The following SVOP variants were observed in gnomAD, a reference collection of about 807,000 sequenced individuals.
SVOP encodes synaptic vesicle 2-related protein.
In SVOP, 17 loss-of-function variants were observed where a neutral mutation model predicts 69.1. The ratio of observed to expected loss-of-function variants is 0.25; its 90% CI spans 0.17 to 0.37. The LOEUF (loss-of-function observed/expected upper bound fraction) is 0.37. Among genes scored for constraint, SVOP ranks in the 10% least tolerant of loss-of-function variants. SVOP has a pLI of 1.00. For synonymous variants in SVOP, 238 were observed against 238.6 expected (o/e 1.00, Z 0.02); for missense variants, 435 against 597.5 (o/e 0.73, Z 2.84).
chr12:108,937,891 G>A (rs758637551), intron 9 of SVOP, among the ~76,000 whole-genome samples: 15 of 152,158 alleles, frequency 9.9e-5, no homozygotes, highest in Admixed American at 7.9e-4. Flanking sequence ...GTGGTGGTTC[G>A]TGCCTGTAAT....
At chr12:108,950,881 G>A (rs2039950380) in intron 6 of SVOP, among the ~76,000 whole-genome samples, 1 of 152,166 alleles carries the variant, frequency 6.6e-6, no homozygotes, top group Non-Finnish European at 1.5e-5. Flanking sequence ...ATGAAAGCAA[G>A]CTACTTGATC....
intron 4 of SVOP, 137 bp from the exon 5 acceptor site, chr12:108,972,613 C>A (rs2040085900): frequency 1.1e-6 from 1 of 883,734 alleles, no homozygotes; most frequent in Non-Finnish European, 1.8e-6. Context: ...TGCCAAGGGG[C>A]AAACACTAAG....
intron 1 of SVOP, among the ~76,000 whole-genome samples, chr12:109,014,395 G>T (rs1002367687): frequency 6.6e-6 from 1 of 152,126 alleles, no homozygotes; most frequent in Non-Finnish European, 1.5e-5. Flanking sequence ...ATTGCTAAGA[G>T]AAGAGATTTT....
At position 108,944,098 on chromosome 12, in the gene SVOP, C is replaced by T. The variant is rs950629291; in HGVS notation, c.642+1005G>A. On this transcript the variant is annotated intron_variant, in intron 7 of 15. Transcript: ENST00000610966. ...GTTTCACCGTGTTGGCCAGGCTGGT[C>T]GAGAACCCCTGACCTCAGGTGATCC... Among the ~76,000 whole-genome samples, 4 of 152,026 alleles carry T rather than the reference C, an allele frequency of 2.6e-5. 1 individual carries two copies. The highest frequency in any genetic ancestry group is 1.5e-5 in the Non-Finnish European group (1 of 67,976).
At chr12:108,984,072 A>AT (rs1398978252) in intron 1 of SVOP, among the ~76,000 whole-genome samples, 2 of 152,130 alleles carry the variant, frequency 1.3e-5, no homozygotes, top group East Asian at 3.9e-4. Context: ...TTGTGAGTAC[A>AT]TTTGTTTCAG....
intron 11 of SVOP, among the ~76,000 whole-genome samples, chr12:108,930,435 CTTTTTT>C (rs35584030): frequency 1.7e-5 from 2 of 117,610 alleles, no homozygotes; most frequent in Non-Finnish European, 3.5e-5. Flanking sequence ...CAGTTGATTG[CTTTTTT>C]TTTTTTTTTT....
chr12:108,995,896 T>C (rs4597140), intron 1 of SVOP, among the ~76,000 whole-genome samples: 57,021 of 148,178 alleles, frequency 0.38, 11,946 homozygotes, highest in African/African-American at 0.58. Flanking sequence ...AGGTAGACTC[T>C]GTCTCAAAAA....
At chr12:108,912,967 C>T (rs147895606) in intron 15 of SVOP, among the ~76,000 whole-genome samples, 2,021 of 152,224 alleles carry the variant, frequency 0.013, 18 homozygotes, top group Non-Finnish European at 0.018. Flanking sequence ...TCACCAGAAG[C>T]CAAGCAGATG....
intron 7 of SVOP, among the ~76,000 whole-genome samples, chr12:108,944,136 C>G: frequency 6.6e-6 from 1 of 151,970 alleles, no homozygotes; most frequent in East Asian, 1.9e-4. Context: ...ACGCCCCGGC[C>G]TCCCAAAGTA....
Position 108,952,230 on chromosome 12 carries a change from C to CTTTTTTTT in SVOP, c.579-7072_579-7065dup, listed in dbSNP as rs36191772. Among the ~76,000 whole-genome samples, 147 of 98,358 alleles carry CTTTTTTTT rather than the reference C, an allele frequency of 1.5e-3. 1 individual carries two copies. Among genetic ancestry groups the CTTTTTTTT allele is most frequent in the Non-Finnish European group, 2.4e-3 (122 of 50,280 alleles). The allele number at this position is 98,358 out of a possible 152,430, so 64.5% of individuals were successfully genotyped here. A position where few individuals can be genotyped will look rare whatever the true frequency, so the allele number is the denominator to read the frequency against. On this transcript the variant is annotated intron_variant, in intron 6 of 15. Transcript: ENST00000610966. ...TACATTCCACTTTTTTTTCTTTTCT[C>CTTTTTTTT]TTTTTTTTTTTTTTTTTTTTTTGAG...
intron 1 of SVOP, among the ~76,000 whole-genome samples, chr12:109,015,554 G>T (rs1365942518): frequency 1.3e-5 from 2 of 152,140 alleles, no homozygotes; most frequent in Non-Finnish European, 2.9e-5. Flanking sequence ...GCTCATGCCT[G>T]TAATCCCAGC....
intron 2 of SVOP, 151 bp from the exon 3 acceptor site, chr12:108,978,814 A>G: frequency 7.1e-6 from 4 of 563,682 alleles, no homozygotes; most frequent in Non-Finnish European, 1.3e-5. Context: ...TCCAGTGTGA[A>G]GTGATATCCT....
chr12:108,988,576 C>G (rs1369506221), intron 1 of SVOP, among the ~76,000 whole-genome samples: 1 of 152,074 alleles, frequency 6.6e-6, no homozygotes, highest in African/African-American at 2.4e-5. Context: ...TGATTCTATT[C>G]CATTGATCTG....
At chr12:108,997,348 T>A (rs2040240856) in intron 1 of SVOP, among the ~76,000 whole-genome samples, 1 of 151,918 alleles carries the variant, frequency 6.6e-6, no homozygotes, top group South Asian at 2.1e-4. Context: ...CACAGCAGTC[T>A]GAGATCAAAC....
chr12:109,009,238 A>C (rs1229255127), intron 1 of SVOP, among the ~76,000 whole-genome samples: 1 of 151,984 alleles, frequency 6.6e-6, no homozygotes. Context: ...CTGGGATTAC[A>C]GGCATGAGCC....
Position 109,015,571 on chromosome 12 carries a change from C to A in SVOP, c.35+5263G>T, listed in dbSNP as rs139666483. On this transcript the variant is annotated intron_variant, in intron 1 of 15. Coordinates refer to ENST00000610966, the MANE Select transcript of SVOP (RefSeq NM_018711.5). ...TCATGCCTGTAATCCCAGCATTTTGCGGGGCCAAGGCGGGAGGGTCACTTG... is the reference window on the plus strand; with the variant it reads ...TCATGCCTGTAATCCCAGCATTTTGAGGGGCCAAGGCGGGAGGGTCACTTG... 3.2e-4 allele frequency among the ~76,000 whole-genome samples: 49 copies of A among 152,054 alleles called. No homozygotes were observed. In the East Asian group the frequency reaches 9.1e-3, roughly 28 times the overall value.
chr12:108,934,401 G>A (rs1242746336), intron 10 of SVOP, 130 bp from the exon 11 acceptor site: 1 of 676,854 alleles, frequency 1.5e-6, no homozygotes, highest in East Asian at 2.8e-5. Context: ...GGATTTTGGG[G>A]GCTTTACTGG....
chr12:109,013,850 C>G (rs369489118), intron 1 of SVOP, among the ~76,000 whole-genome samples: 7 of 152,206 alleles, frequency 4.6e-5, no homozygotes, highest in African/African-American at 1.7e-4. Flanking sequence ...CCTCTCCCCC[C>G]ACCACCGAGT....
intron 9 of SVOP, among the ~76,000 whole-genome samples, chr12:108,938,362 T>C (rs879698276): frequency 2.0e-5 from 3 of 152,198 alleles, no homozygotes; most frequent in Non-Finnish European, 4.4e-5. Flanking sequence ...GTGGACTCCC[T>C]GATGGTGTTA....
Sources: gnomAD v4.1 joint callset for allele counts (sites outside exome capture counted in the v4.1 genomes callset) on GRCh38, gnomAD v4.1.1 for gene constraint, MANE v1.5 for transcripts, NCBI Gene and HGNC (gene_info 2026-07-23, HGNC 2026-07-21) for gene names.